Variants in PCOLCE2 observed in about 807,000 individuals in gnomAD.
The protein encoded by PCOLCE2 is procollagen C-proteinase enhancer 2.
In PCOLCE2, 42 loss-of-function variants were observed where a neutral mutation model predicts 47.0. The ratio of observed to expected loss-of-function variants is 0.89; its 90% CI spans 0.70 to 1.16. The LOEUF is 1.16. Among genes scored for constraint, PCOLCE2 ranks in the 50% most tolerant of loss-of-function variants. The probability of loss-of-function intolerance (pLI) is 0.00; values close to 1 mark genes in which losing one functional copy is unlikely to be tolerated. For synonymous variants in PCOLCE2, 169 were observed against 191.7 expected, an observed-to-expected ratio of 0.88 and a Z score of 0.98; for missense variants, 500 against 526.1, an observed-to-expected ratio of 0.95 and a Z score of 0.49.
intron 2 of PCOLCE2, among the ~76,000 whole-genome samples, chr3:142,875,628 CTA>C (rs1933482358): frequency 6.6e-6 from 1 of 152,170 alleles, no homozygotes; most frequent in Admixed American, 6.5e-5. Flanking sequence ...AAATCTCTGT[CTA>C]TTCCAAGGGT....
At chr3:142,821,499 AC>A (rs1185899820) in intron 7 of PCOLCE2, among the ~76,000 whole-genome samples, 1 of 151,932 alleles carries the variant, frequency 6.6e-6, no homozygotes, top group African/African-American at 2.4e-5. Context: ...GTGTGTAGCC[AC>A]CTTTCTGTGT....
intron 8 of PCOLCE2, 62 bp downstream of exon 8, chr3:142,820,810 CCCTAGA>C: frequency 7.0e-7 from 1 of 1,420,570 alleles, no homozygotes; most frequent in South Asian, 1.3e-5. Flanking sequence ...GATTTTACTT[CCCTAGA>C]CCAACCATGG....
intron 2 of PCOLCE2, among the ~76,000 whole-genome samples, chr3:142,884,629 G>T (rs746334235): frequency 1.3e-5 from 2 of 152,080 alleles, no homozygotes; most frequent in Admixed American, 6.6e-5. Context: ...CCTAAGACCT[G>T]TTAAGGCCAT....
chr3:142,829,847 C>A lies in PCOLCE2; in HGVS notation c.711-1G>T. The A allele has an allele frequency of 6.5e-7, 1 of 1,538,610 alleles. No individual in the cohort carries two copies. Among genetic ancestry groups the A allele is most frequent in the Non-Finnish European group, 8.8e-7 (1 of 1,136,716 alleles). ...TTCATTTCTCTCAGACACAATTGGC[C>A]TAAAAAAAGAAAAATGTGTTTTTTT... On this transcript the variant is annotated splice_acceptor_variant, in intron 5 of 8. Transcript: ENST00000295992. LOFTEE classifies it high-confidence loss of function.
intron 2 of PCOLCE2, among the ~76,000 whole-genome samples, chr3:142,850,359 T>C (rs1327134804): frequency 2.0e-5 from 3 of 152,122 alleles, no homozygotes; most frequent in South Asian, 2.1e-4. Flanking sequence ...TATAAATGTA[T>C]AGAGGGTAAT....
In PCOLCE2 at chr3:142,818,912, C is replaced by T. The variant is rs528761350; in HGVS notation, c.1118-447G>A. Among the ~76,000 whole-genome samples, 6 of 152,332 alleles carry T rather than the reference C, an allele frequency of 3.9e-5. No homozygotes were observed. In the East Asian group the frequency reaches 1.2e-3, roughly 29 times the overall value. On this transcript the variant is annotated intron_variant, in intron 8 of 8. Transcript: ENST00000295992. ...TTTCAAATGCCTGCTATGAAGAATGCACCGCGTTAACGTGAAAGACTCTCC... is the reference window on the plus strand; with the variant it reads ...TTTCAAATGCCTGCTATGAAGAATGTACCGCGTTAACGTGAAAGACTCTCC...
At chr3:142,844,597 T>C (rs1273557099) in intron 3 of PCOLCE2, among the ~76,000 whole-genome samples, 2 of 152,214 alleles carry the variant, frequency 1.3e-5, no homozygotes, top group African/African-American at 2.4e-5. Context: ...GGTGGGTAAG[T>C]AATGGCATCT....
At chr3:142,827,744 T>G in intron 6 of PCOLCE2, 2 of 746,020 alleles carry the variant, frequency 2.7e-6, no homozygotes, top group East Asian at 5.1e-5. Context: ...CTCTTAAATT[T>G]AAATCTGGCT....
chr3:142,835,537 T>C (rs918667021), intron 5 of PCOLCE2, among the ~76,000 whole-genome samples: 1 of 152,224 alleles, frequency 6.6e-6, no homozygotes, highest in Admixed American at 6.5e-5. Flanking sequence ...ATAACACTTT[T>C]CTATTAATTA....
At chr3:142,824,255 A>G (rs1196851299) in intron 6 of PCOLCE2, among the ~76,000 whole-genome samples, 1 of 152,074 alleles carries the variant, frequency 6.6e-6, no homozygotes, top group African/African-American at 2.4e-5. Flanking sequence ...CGTTGCCCCC[A>G]GCAGGCATTT....
intron 5 of PCOLCE2, among the ~76,000 whole-genome samples, chr3:142,830,511 C>T (rs1170918049): frequency 6.6e-6 from 1 of 152,066 alleles, no homozygotes; most frequent in Non-Finnish European, 1.5e-5. Flanking sequence ...GGAAACATTT[C>T]TATTATAATC....
intron 3 of PCOLCE2, among the ~76,000 whole-genome samples, chr3:142,847,979 T>G (rs1294731320): frequency 6.6e-6 from 1 of 152,268 alleles, no homozygotes; most frequent in African/African-American, 2.4e-5. Flanking sequence ...TATTTGCATG[T>G]GTGCTTATGT....
intron 2 of PCOLCE2, among the ~76,000 whole-genome samples, chr3:142,859,199 A>G (rs1296541800): frequency 7.2e-5 from 11 of 151,906 alleles, no homozygotes; most frequent in Admixed American, 7.2e-4. Context: ...AGTAGGTGGG[A>G]CTACAGGTGC....
At position 142,842,951 on chromosome 3, in the gene PCOLCE2, C is replaced by A. The variant is rs563520880; in HGVS notation, c.546G>T (p.Val182=). ...GATTCTTTGGGGCTACAATGTGCCA[C>A]ACACAAGTGACTCCTGCAGGGTAAT... ...DRDYPAGVTC[V]WHIVAPKNQL... is the part of the protein sequence containing the mutation. The change falls in exon 4 of 9, where the codon GTG becomes GTT. Residue 182 remains valine, a synonymous_variant. Coordinates refer to ENST00000295992, the MANE Select transcript of PCOLCE2 (RefSeq NM_013363.4). This position sits in a 1 kb window ranked among gnomAD's most constrained non-coding sequence, Gnocchi z 4.1. 1 of 1,614,128 alleles carries A rather than the reference C, an allele frequency of 6.2e-7. No homozygotes were observed. The highest frequency in any genetic ancestry group is 2.2e-5 in the East Asian group (1 of 44,876).
In PCOLCE2 at chr3:142,842,064, T is replaced by C. The variant is rs968383333; in HGVS notation, c.573+860A>G. On this transcript the variant is annotated intron_variant, in intron 4 of 8. Coordinates refer to ENST00000295992, the MANE Select transcript of PCOLCE2 (RefSeq NM_013363.4). The surrounding 1 kb of genome is among the most constrained non-coding windows in gnomAD (Gnocchi z 4.1). ...TATTTCAGAACAATGAATGAAGCTT[T>C]TTGTGGGGAACCTGCACATATTTTA... Among the ~76,000 whole-genome samples the C allele has an allele frequency of 2.0e-5, 3 of 152,332 alleles. No homozygotes were observed. The highest frequency in any genetic ancestry group is 1.3e-4 in the Admixed American group (2 of 15,298).
At chr3:142,836,833 A>C (rs533045062) in intron 5 of PCOLCE2, among the ~76,000 whole-genome samples, 1 of 152,254 alleles carries the variant, frequency 6.6e-6, no homozygotes, top group African/African-American at 2.4e-5. Context: ...AATGGAGGAA[A>C]GTTTCAAGGG....
At chr3:142,860,155 C>A (rs1429807230) in intron 2 of PCOLCE2, among the ~76,000 whole-genome samples, 1 of 152,174 alleles carries the variant, frequency 6.6e-6, no homozygotes, top group African/African-American at 2.4e-5. Flanking sequence ...GACAGCCACT[C>A]CTCAGAAGCA....
At chr3:142,838,959 C>T in intron 4 of PCOLCE2, 53 bp from the exon 5 acceptor site, 5 of 1,395,010 alleles carry the variant, frequency 3.6e-6, no homozygotes, top group African/African-American at 2.8e-5. Context: ...TGTTGAATAA[C>T]CTCAAATGGA....
Position 142,821,046 on chromosome 3 carries a change from C to T in PCOLCE2, c.950-1G>A, listed in dbSNP as rs747996215. ...GTTGTGATAACAGTGCCGGCTAATA[C>T]TGCAGAAGAAAACATTTTGAAGTGA... On this transcript the variant is annotated splice_acceptor_variant, in intron 7 of 8. Transcript: ENST00000295992. LOFTEE classifies it high-confidence loss of function. 6.3e-7 allele frequency: 1 copy of T among 1,594,162 alleles called. No individual in the cohort carries two copies. Among genetic ancestry groups the T allele is most frequent in the Non-Finnish European group, 8.6e-7 (1 of 1,163,514 alleles).
Sources: gnomAD v4.1 joint callset for allele counts (sites outside exome capture counted in the v4.1 genomes callset) on GRCh38, gnomAD v4.1.1 for gene constraint, Gnocchi (gnomAD v3.1) non-coding constraint, MANE v1.5 for transcripts, NCBI Gene and HGNC (gene_info 2026-07-23, HGNC 2026-07-21) for gene names.